KCNT2: variants seen among roughly 807,000 people sequenced by gnomAD.
The protein encoded by KCNT2 is potassium sodium-activated channel subfamily T member 2, also known as potassium channel subfamily T member 2.
KCNT2 carries 67 observed loss-of-function variants against 153.8 expected under a neutral mutation model. That is an observed-to-expected ratio of 0.44 (90% CI 0.36 to 0.53). The LOEUF (loss-of-function observed/expected upper bound fraction) is 0.53, where lower values mean the gene tolerates loss of function less well. Among genes scored for constraint, KCNT2 ranks in the 20% least tolerant of loss-of-function variants. KCNT2 has a pLI of 0.00. For synonymous variants in KCNT2, 500 were observed against 458.8 expected (o/e 1.09, Z -1.15); for missense variants, 975 against 1,354.8 (o/e 0.72, Z 4.40).
At chr1:196,561,258 A>AC (rs1214471725) in intron 1 of KCNT2, among the ~76,000 whole-genome samples, 6 of 151,700 alleles carry the variant, frequency 4.0e-5, no homozygotes. Flanking sequence ...AAGTTTAAAG[A>AC]GAAAAAATGG....
chr1:196,327,547 C>T (rs1406370796), intron 18 of KCNT2, among the ~76,000 whole-genome samples: 1 of 151,992 alleles, frequency 6.6e-6, no homozygotes, highest in Non-Finnish European at 1.5e-5. Flanking sequence ...ATTATCTGCA[C>T]GGAGAACTGT....
chr1:196,428,834 C>T (rs1673882281), intron 9 of KCNT2, among the ~76,000 whole-genome samples: 1 of 152,072 alleles, frequency 6.6e-6, no homozygotes, highest in South Asian at 2.1e-4. Context: ...GTTTGATTTG[C>T]ATTTCCCTAT....
chr1:196,371,220 C>G (rs1295044864), intron 14 of KCNT2, among the ~76,000 whole-genome samples: 1 of 21,934 alleles, frequency 4.6e-5, no homozygotes, highest in Non-Finnish European at 9.0e-5. Context: ...CCCGTCACTA[C>G]AAAAAAAAAA....
At chr1:196,312,530 C>G (rs1662290356) in intron 21 of KCNT2, among the ~76,000 whole-genome samples, 1 of 151,736 alleles carries the variant, frequency 6.6e-6, no homozygotes, top group African/African-American at 2.4e-5. Context: ...CTTTTCGAAA[C>G]ACTTCAAAAT....
At chr1:196,429,489 T>C (rs1538684) in intron 9 of KCNT2, 88 bp downstream of exon 9, 443,824 of 792,398 alleles carry the variant, frequency 0.56, 128,931 homozygotes, top group Middle Eastern at 0.66. Context: ...GTTAGATAAA[T>C]AAGCCACTTT....
At chr1:196,378,767 A>G (rs1030278166) in intron 13 of KCNT2, among the ~76,000 whole-genome samples, 24 of 148,010 alleles carry the variant, frequency 1.6e-4, no homozygotes, top group African/African-American at 5.4e-4. Flanking sequence ...GTAATATAAT[A>G]TCTACTAAAT....
intron 16 of KCNT2, among the ~76,000 whole-genome samples, chr1:196,334,595 G>A (rs932535215): frequency 1.4e-5 from 2 of 147,982 alleles, no homozygotes; most frequent in South Asian, 4.3e-4. Flanking sequence ...TTTCTATTGA[G>A]CTATCTTTTT....
At chr1:196,550,732 C>G (rs1657781095) in intron 1 of KCNT2, among the ~76,000 whole-genome samples, 1 of 151,728 alleles carries the variant, frequency 6.6e-6, no homozygotes, top group Non-Finnish European at 1.5e-5. Context: ...CCTTTCTGCT[C>G]AATTATCATG....
At chr1:196,379,407 C>A (rs1025632438) in intron 13 of KCNT2, among the ~76,000 whole-genome samples, 2 of 151,934 alleles carry the variant, frequency 1.3e-5, no homozygotes, top group African/African-American at 4.8e-5. Context: ...CCAGTCTCTA[C>A]CAAAAATACA....
intron 1 of KCNT2, among the ~76,000 whole-genome samples, chr1:196,601,932 T>C (rs1157210879): frequency 6.6e-6 from 1 of 152,216 alleles, no homozygotes; most frequent in African/African-American, 2.4e-5. Context: ...TTTATCCTAT[T>C]TACTATCTCA....
intron 20 of KCNT2, 43 bp downstream of exon 20, chr1:196,319,440 CA>C: frequency 7.3e-7 from 1 of 1,366,196 alleles, no homozygotes; most frequent in South Asian, 1.2e-5. Context: ...TGACAAACCA[CA>C]GGACACTACA....
At chr1:196,441,559 C>T (rs1231419741) in intron 8 of KCNT2, among the ~76,000 whole-genome samples, 5 of 151,398 alleles carry the variant, frequency 3.3e-5, no homozygotes, top group African/African-American at 1.2e-4. Flanking sequence ...ATATTGTCCA[C>T]ATTGTCCATT....
chr1:196,604,387 A>G (rs1447757337), intron 1 of KCNT2, among the ~76,000 whole-genome samples: 1 of 152,228 alleles, frequency 6.6e-6, no homozygotes, highest in African/African-American at 2.4e-5. Context: ...TATTAGCTGA[A>G]TGAATGAATG....
intron 25 of KCNT2, among the ~76,000 whole-genome samples, chr1:196,265,176 C>T (rs1198088146): frequency 6.6e-6 from 1 of 152,186 alleles, no homozygotes; most frequent in Admixed American, 6.5e-5. Flanking sequence ...ACAACTGGCA[C>T]AGCAAGGGGT....
At chr1:196,398,732 A>G in intron 12 of KCNT2, 61 bp from the exon 13 acceptor site, 1 of 862,932 alleles carries the variant, frequency 1.2e-6, no homozygotes, top group Non-Finnish European at 1.8e-6. Context: ...CATATAAAGT[A>G]AAAGTAAGCA....
chr1:196,391,014 G>A (rs143011310), intron 13 of KCNT2, among the ~76,000 whole-genome samples: 2 of 150,410 alleles, frequency 1.3e-5, no homozygotes, highest in African/African-American at 4.9e-5. Flanking sequence ...AGGTGTATGA[G>A]ATTGACTAAA....
chr1:196,231,005 C>T (rs76498332), intron 27 of KCNT2, among the ~76,000 whole-genome samples: 7,530 of 151,850 alleles, frequency 0.05, 282 homozygotes, highest in Non-Finnish European at 0.071. Context: ...TCAATCAATG[C>T]AGCATACTAC....
chr1:196,242,958 T>G (rs938386670), intron 26 of KCNT2, among the ~76,000 whole-genome samples: 1 of 152,192 alleles, frequency 6.6e-6, no homozygotes, highest in African/African-American at 2.4e-5. Context: ...TAATCCCAAG[T>G]GCACATTCAA....
chr1:196,547,463 A>G (rs1657259714), intron 1 of KCNT2, among the ~76,000 whole-genome samples: 2 of 152,178 alleles, frequency 1.3e-5, no homozygotes, highest in East Asian at 3.9e-4. Context: ...CAATGTTCTC[A>G]TTATAGATGA....
Sources: allele counts gnomAD v4.1 joint callset (sites outside exome capture counted in the v4.1 genomes callset), GRCh38; gene constraint gnomAD v4.1.1; transcripts MANE v1.5; gene names NCBI Gene and HGNC (gene_info 2026-07-23, HGNC 2026-07-21).